CPZ: variants seen among roughly 807,000 people sequenced by gnomAD.
CPZ encodes the protein VEZT/CPZ fusion.
Under a neutral mutation model 61.8 loss-of-function variants are expected in CPZ, and 103 were observed. That is an observed-to-expected ratio of 1.67 (90% confidence interval 1.42 to 1.96). The LOEUF is 1.96. Among genes scored for constraint, CPZ ranks in the 30% most tolerant of loss-of-function variants. The pLI is 0.00. For synonymous variants in CPZ, 551 were observed against 373.7 expected (o/e 1.47, Z -5.47); for missense variants, 1,461 against 914.9 (o/e 1.60, Z -7.70).
intron 7 of CPZ, among the ~76,000 whole-genome samples, chr4:8,610,088 G>A (rs1715524697): frequency 6.6e-6 from 1 of 152,202 alleles, no homozygotes; most frequent in Non-Finnish European, 1.5e-5. Context: ...CGCTTGCTGT[G>A]GGAATGAGCA....
chr4:8,604,578 T>G (rs1577113649), intron 4 of CPZ, among the ~76,000 whole-genome samples: 1 of 152,068 alleles, frequency 6.6e-6, no homozygotes, highest in Non-Finnish European at 1.5e-5. Context: ...GCCTCCTGGG[T>G]TCAAGCAATT....
intron 8 of CPZ, 115 bp from the exon 9 acceptor site, chr4:8,614,244 C>T (rs1715963810): frequency 2.1e-6 from 3 of 1,420,956 alleles, no homozygotes; most frequent in Non-Finnish European, 2.8e-6. Context: ...CCGGCTGTCT[C>T]TGCGCGGCTG....
At position 8,603,984 on chromosome 4, in the gene CPZ, G is replaced by A. The variant is rs1260336621; in HGVS notation, c.505G>A (p.Glu169Lys). 2 of 1,612,080 alleles carry A rather than the reference G, an allele frequency of 1.2e-6. No individual in the cohort carries two copies. The highest frequency in any genetic ancestry group is 1.7e-6 in the Non-Finnish European group (2 of 1,179,782). ...DPLEKLRGGL[E>K]ADEALPSGLP... ...CCCCACTGCTCCCCCAGGAGGCCTG[G>A]AGGCTGACGAGGCACTGCCCTCAGG... The change falls in exon 4 of 11, where the codon GAG becomes AAG. Residue 169 changes from glutamate (E) to lysine (K), a missense_variant. Transcript: ENST00000360986.
At chr4:8,608,746 A>C (rs1195915002) in intron 7 of CPZ, among the ~76,000 whole-genome samples, 4 of 151,764 alleles carry the variant, frequency 2.6e-5, no homozygotes, top group African/African-American at 4.8e-5. Flanking sequence ...CGGTTTCCCA[A>C]AAGGTCTCCA....
intron 1 of CPZ, 54 bp downstream of exon 1, chr4:8,592,975 AGTGTGATCCGTC>A: frequency 7.3e-7 from 1 of 1,372,334 alleles, no homozygotes; most frequent in Non-Finnish European, 9.9e-7. Context: ...ACCTCTGGGG[AGTGTGATCCGTC>A]GCTTCCCAGG....
In CPZ at chr4:8,609,347, TCTCATTCATTCA is replaced by T. The variant is rs879267201; in HGVS notation, c.1227+1927_1227+1938del. Among the ~76,000 whole-genome samples the T allele has an allele frequency of 7.5e-3, 1,149 of 152,234 alleles. 7 individuals carry two copies. The highest frequency in any genetic ancestry group is 0.013 in the Non-Finnish European group (853 of 68,000). On this transcript the variant is annotated intron_variant, in intron 7 of 10. Transcript: ENST00000360986. ...CACTCACTTTTTCACTCACTCATTC[TCTCATTCATTCA>T]CTCACAAACTCATTCACTCACTCTT...
chr4:8,612,204 TGCAGGGGCTGGGTGGG>T (rs1307700456), intron 8 of CPZ, 42 bp downstream of exon 8: 3 of 75,364 alleles, frequency 4.0e-5, no homozygotes, highest in Admixed American at 2.5e-4. Context: ...GGGTGGGGGG[TGCAGGGGCTGGGTGGG>T]GCAGGGGCAA....
intron 4 of CPZ, among the ~76,000 whole-genome samples, chr4:8,605,580 C>CATTCATCCATCA (rs1553876796): frequency 4.0e-5 from 6 of 149,776 alleles, no homozygotes; most frequent in African/African-American, 1.5e-4. Flanking sequence ...TCCATCCAGC[C>CATTCATCCATCA]ATCCAGCCAG....
Position 8,604,161 on chromosome 4 carries a change from T to C in CPZ, c.682T>C (p.Ser228Pro). The change falls in exon 4 of 11, where the codon TCC (serine) becomes CCC (proline). Residue 228 changes from serine to proline, a missense_variant. Coordinates refer to ENST00000360986, the MANE Select transcript of CPZ (RefSeq NM_001014447.3). The part of the protein sequence containing the change: ...DGRELLVIEF[S>P]SRPGQHELME... ...CAGGGAGCTGCTGGTCATCGAGTTC[T>C]CCAGCCGCCCCGGCCAGCACGAGCT... is the stretch of plus-strand genomic sequence containing the variant. The C allele has an allele frequency of 6.4e-7, 1 of 1,574,502 alleles. No homozygotes were observed. The highest frequency in any genetic ancestry group is 2.3e-5 in the East Asian group (1 of 42,724).
intron 8 of CPZ, 129 bp downstream of exon 8, chr4:8,612,291 C>A: frequency 1.3e-6 from 1 of 777,594 alleles, no homozygotes; most frequent in Non-Finnish European, 2.0e-6. Context: ...CAGGGCGATG[C>A]CTCACCTGGT....
intron 1 of CPZ, among the ~76,000 whole-genome samples, chr4:8,597,782 C>G (rs536349682): frequency 6.6e-6 from 1 of 152,358 alleles, no homozygotes; most frequent in African/African-American, 2.4e-5. Context: ...CTCTTCCCCC[C>G]GGAAGATCGT....
intron 1 of CPZ, among the ~76,000 whole-genome samples, chr4:8,593,649 G>A (rs1713962167): frequency 1.3e-5 from 2 of 152,168 alleles, no homozygotes; most frequent in East Asian, 1.9e-4. Context: ...GGGCTCCTGC[G>A]GGAGTGGGGC....
intron 9 of CPZ, chr4:8,617,982 C>G (rs750486525): frequency 1.0e-5 from 2 of 193,826 alleles, no homozygotes; most frequent in Admixed American, 1.1e-4. Flanking sequence ...ATGAAGAAAC[C>G]GCGCTGCTCG....
At chr4:8,615,836 C>G (rs763621403) in intron 9 of CPZ, among the ~76,000 whole-genome samples, 2 of 152,236 alleles carry the variant, frequency 1.3e-5, no homozygotes, top group Non-Finnish European at 2.9e-5. Flanking sequence ...ATCGAGCGAA[C>G]TCCCTGGGGC....
intron 7 of CPZ, among the ~76,000 whole-genome samples, chr4:8,609,659 T>A (rs1334033247): frequency 1.3e-5 from 2 of 151,998 alleles, no homozygotes; most frequent in Non-Finnish European, 1.5e-5. Context: ...AGGGCAGGCA[T>A]CCCCTCTGCA....
chr4:8,609,126 AT>A (rs1715348208), intron 7 of CPZ, among the ~76,000 whole-genome samples: 7 of 10,660 alleles, frequency 6.6e-4, no homozygotes, highest in Non-Finnish European at 1.4e-3. Flanking sequence ...TCCCTCACTC[AT>A]TCACTCATTT....
intron 1 of CPZ, among the ~76,000 whole-genome samples, chr4:8,593,387 A>C (rs1713943065): frequency 1.3e-5 from 2 of 152,152 alleles, no homozygotes; most frequent in African/African-American, 4.8e-5. Flanking sequence ...AGTCTCCGGA[A>C]GTGGCCCTAA....
chr4:8,595,891 A>T (rs1443621805), intron 1 of CPZ, among the ~76,000 whole-genome samples: 1 of 152,212 alleles, frequency 6.6e-6, no homozygotes, highest in Non-Finnish European at 1.5e-5. Flanking sequence ...CACACATGAC[A>T]ACAGAGGCAG....
intron 1 of CPZ, among the ~76,000 whole-genome samples, chr4:8,593,941 G>C (rs1444391118): frequency 6.6e-6 from 1 of 152,190 alleles, no homozygotes; most frequent in Non-Finnish European, 1.5e-5. Context: ...GCCGTGTTGT[G>C]GGTGGGCCTC....
Sources: allele counts gnomAD v4.1 joint callset (sites outside exome capture counted in the v4.1 genomes callset), GRCh38; gene constraint gnomAD v4.1.1; transcripts MANE v1.5; gene names NCBI Gene and HGNC (gene_info 2026-07-23, HGNC 2026-07-21).